The following BCL6 variants were observed in gnomAD, a reference collection of about 807,000 sequenced individuals.
BCL6 encodes the protein BCL6 transcription repressor.
In BCL6, 7 loss-of-function variants were observed where a neutral mutation model predicts 59.5. The observed-to-expected ratio is 0.12, with a 90% CI of 0.07 to 0.22. BCL6 has a LOEUF of 0.22. BCL6 is among the 10% of genes least tolerant of loss of function. The probability of loss-of-function intolerance (pLI) is 1.00; values close to 1 mark genes in which losing one functional copy is unlikely to be tolerated. For synonymous variants in BCL6, 339 were observed against 349.7 expected, an observed-to-expected ratio of 0.97 and a Z score of 0.34; for missense variants, 685 against 939.4, an observed-to-expected ratio of 0.73 and a Z score of 3.54.
chr3:187,736,891 T>C (rs1379550145), intron 1 of BCL6: 1 of 152,126 alleles, frequency 6.6e-6, no homozygotes, highest in Non-Finnish European at 1.5e-5. Context: ...CCCTCAAGAT[T>C]GCATCTTATC....
chr3:187,744,473 C>A (rs1711782355), intron 1 of BCL6, among the ~76,000 whole-genome samples: 1 of 152,280 alleles, frequency 6.6e-6, no homozygotes, highest in African/African-American at 2.4e-5. Flanking sequence ...CTCCCCAAAA[C>A]ACAGGGGCAG....
At chr3:187,745,113 A>G (rs570266385) in intron 1 of BCL6, among the ~76,000 whole-genome samples, 3 of 152,204 alleles carry the variant, frequency 2.0e-5, no homozygotes, top group South Asian at 2.1e-4. Context: ...GATTCACTCA[A>G]AGACAACAAT....
At chr3:187,734,544 T>A (rs1719197532) in intron 2 of BCL6, 1 of 152,230 alleles carries the variant, frequency 6.6e-6, no homozygotes, top group Non-Finnish European at 1.5e-5. Context: ...TCTTATTTCA[T>A]CATCTCAGTC....
rs3774310 is a variant in BCL6, at chr3:187,722,784, A to G, written c.1978-183T>C. Among the ~76,000 whole-genome samples the G allele has an allele frequency of 9.4e-3, 1,429 of 152,288 alleles. 33 individuals are homozygous for G. In the East Asian group the frequency reaches 0.1, roughly 11 times the overall value. ...CGACAGATAAGCTAGCGTTGTGCAA[A>G]TGTCCGTTCCCTGCTTTCCCAAGTG... On this transcript the variant is annotated intron_variant, in intron 9 of 9. Transcript: ENST00000406870.
Position 187,725,201 on chromosome 3 carries a change from G to A in BCL6, c.1840-123C>T. On this transcript the variant is annotated intron_variant, in intron 8 of 9. Coordinates refer to ENST00000406870, the MANE Select transcript of BCL6 (RefSeq NM_001706.5). This position sits in a 1 kb window ranked among gnomAD's most constrained non-coding sequence, Gnocchi z 4.7. ...AGGCCACTCTGCTCACCTGCACACA[G>A]GGACTGAGTGGGCCTTTCTGCTGCC... is the stretch of plus-strand genomic sequence containing the variant. The A allele has an allele frequency of 1.4e-6, 2 of 1,411,440 alleles. No individual in the cohort carries two copies. Among genetic ancestry groups the A allele is most frequent in the Admixed American group, 2.0e-5 (1 of 50,758 alleles). 87.4% of individuals were successfully genotyped at this position (1,411,440 alleles called of 1,614,324 possible). A position where few individuals can be genotyped will look rare whatever the true frequency, so the allele number is the denominator to read the frequency against.
chr3:187,737,821 C>T (rs1204568302), intron 1 of BCL6: 17 of 144,638 alleles, frequency 1.2e-4, no homozygotes, highest in Admixed American at 9.4e-4. Flanking sequence ...AATGACACAG[C>T]CCTCTCATTC....
intron 3 of BCL6, among the ~76,000 whole-genome samples, chr3:187,732,218 C>T (rs1719082203): frequency 6.6e-6 from 1 of 152,170 alleles, no homozygotes; most frequent in Non-Finnish European, 1.5e-5. Flanking sequence ...CTTAAAGTCA[C>T]AGGGCCTGTT....
At chr3:187,733,763 G>T (rs1579819390) in intron 2 of BCL6, 60 bp from the exon 3 acceptor site, 1 of 1,583,094 alleles carries the variant, frequency 6.3e-7, no homozygotes, top group Non-Finnish European at 8.6e-7. Context: ...GCTTGCCACA[G>T]GTATCAGAGC....
chr3:187,740,990 G>C (rs1579827800), intron 1 of BCL6, among the ~76,000 whole-genome samples: 1 of 152,086 alleles, frequency 6.6e-6, no homozygotes, highest in Non-Finnish European at 1.5e-5. Context: ...GAGGTGGAAC[G>C]GCGAGCCCAC....
rs1397848221 is a variant in BCL6 at position 187,722,084 on chromosome 3, A to G, written c.*374T>C. ...GTCTTTTAAAAGAATGCACATTTAC[A>G]TACAAAAGAAACATCTGTTCCCACA... On this transcript the variant is annotated 3_prime_UTR_variant, in exon 10 of 10. Coordinates refer to ENST00000406870, the MANE Select transcript of BCL6 (RefSeq NM_001706.5). 4.2e-6 allele frequency: 1 copy of G among 237,198 alleles called. No individual in the cohort carries two copies. Among genetic ancestry groups the G allele is most frequent in the Non-Finnish European group, 8.3e-6 (1 of 120,888 alleles). 14.7% of individuals were successfully genotyped at this position (237,198 alleles called of 1,614,324 possible). A position where few individuals can be genotyped will look rare whatever the true frequency, so the allele number is the denominator to read the frequency against.
At chr3:187,739,394 C>G (rs2108478090) in intron 1 of BCL6, among the ~76,000 whole-genome samples, 1 of 152,292 alleles carries the variant, frequency 6.6e-6, no homozygotes, top group African/African-American at 2.4e-5. Flanking sequence ...AATCGCGGAG[C>G]TGTTTTTATT....
At chr3:187,741,057 C>G (rs1017341501) in intron 1 of BCL6, among the ~76,000 whole-genome samples, 4 of 152,314 alleles carry the variant, frequency 2.6e-5, no homozygotes, top group South Asian at 4.1e-4. Flanking sequence ...CCAGCCCGTC[C>G]GAGAATCGCC....
At chr3:187,744,445 A>G (rs1026827854) in intron 1 of BCL6, among the ~76,000 whole-genome samples, 3 of 152,208 alleles carry the variant, frequency 2.0e-5, no homozygotes, top group Admixed American at 6.5e-5. Context: ...CAAAGTGTTC[A>G]ACATCCCCGC....
chr3:187,740,801 C>A (rs1711560522), intron 1 of BCL6, among the ~76,000 whole-genome samples: 1 of 152,198 alleles, frequency 6.6e-6, no homozygotes, highest in Non-Finnish European at 1.5e-5. Flanking sequence ...GTGTTCGAAG[C>A]GGGTTATTTG....
chr3:187,745,257 A>G (rs546194807), intron 1 of BCL6, among the ~76,000 whole-genome samples, 153 bp downstream of exon 1: 4 of 152,204 alleles, frequency 2.6e-5, no homozygotes, highest in South Asian at 2.1e-4. Context: ...CACATAGAAA[A>G]CTTGGAGCCA....
chr3:187,744,876 T>G (rs1576885786), intron 1 of BCL6, among the ~76,000 whole-genome samples: 1 of 151,934 alleles, frequency 6.6e-6, no homozygotes, highest in African/African-American at 2.4e-5. Flanking sequence ...TCCAGAGAGA[T>G]CACAAGCCGT....
At chr3:187,724,798 G>A (rs1560146735) in intron 9 of BCL6, 143 bp downstream of exon 9, 18 of 1,179,648 alleles carry the variant, frequency 1.5e-5, no homozygotes, top group East Asian at 1.0e-4. Context: ...AACCATTAGC[G>A]TAGTGGTTGC....
Position 187,722,324 on chromosome 3 carries a change from C to CCCCCCCCCCCCCCA in BCL6, c.*133_*134insTGGGGGGGGGGGGG. On this transcript the variant is annotated 3_prime_UTR_variant, in exon 10 of 10. Coordinates refer to ENST00000406870, the MANE Select transcript of BCL6 (RefSeq NM_001706.5). The stretch of plus-strand genomic sequence containing the variant: ...CCCAGGCCCCGACCCCCACCACCCC[C>CCCCCCCCCCCCCCA]AACCCCCAGCTATGATTTGCACTAG... 3 of 670,270 alleles carry CCCCCCCCCCCCCCA rather than the reference C, an allele frequency of 4.5e-6. No homozygotes were observed. The highest frequency in any genetic ancestry group is 4.0e-6 in the Non-Finnish European group (2 of 494,294). 41.5% of individuals were successfully genotyped at this position (670,270 alleles called of 1,614,324 possible).
At chr3:187,744,763 G>A (rs530937277) in intron 1 of BCL6, among the ~76,000 whole-genome samples, 1 of 152,170 alleles carries the variant, frequency 6.6e-6, no homozygotes, top group African/African-American at 2.4e-5. Context: ...GAAGGAAGAA[G>A]AGGCGAGGAA....
Sources: allele counts gnomAD v4.1 joint callset (sites outside exome capture counted in the v4.1 genomes callset), GRCh38; gene constraint gnomAD v4.1.1; non-coding constraint Gnocchi (gnomAD v3.1); transcripts MANE v1.5; gene names NCBI Gene and HGNC (gene_info 2026-07-23, HGNC 2026-07-21).